DLGAP1: variants seen among roughly 807,000 people sequenced by gnomAD.
DLGAP1 encodes the protein disks large-associated protein 1.
Under a neutral mutation model 90.8 loss-of-function variants are expected in DLGAP1, and 11 were observed. The ratio of observed to expected loss-of-function variants is 0.12; its 90% CI spans 0.08 to 0.20. DLGAP1 has a LOEUF of 0.20. Ranked by LOEUF, DLGAP1 falls within the 10% of genes least tolerant of loss-of-function variation. The pLI, the probability that DLGAP1 is intolerant of heterozygous loss-of-function variation, is 1.00. For missense variants in DLGAP1, 1,050 were observed against 1,333.8 expected (o/e 0.79, Z 3.31); for synonymous variants, 558 against 540.7 (o/e 1.03, Z -0.44).
chr18:4,234,886 G>T (rs1163717160), intron 1 of DLGAP1, among the ~76,000 whole-genome samples: 2 of 152,120 alleles, frequency 1.3e-5, no homozygotes, highest in African/African-American at 4.8e-5. Flanking sequence ...GTAAAAGAAA[G>T]GCATGTCATA....
At chr18:4,389,098 G>A (rs1454023459) in intron 1 of DLGAP1, among the ~76,000 whole-genome samples, 3 of 152,072 alleles carry the variant, frequency 2.0e-5, no homozygotes, top group Non-Finnish European at 4.4e-5. Flanking sequence ...ACTAAAAAGT[G>A]GAAGCAACAC....
intron 3 of DLGAP1, among the ~76,000 whole-genome samples, chr18:3,960,121 C>T (rs1346391064): frequency 6.6e-6 from 1 of 152,204 alleles, no homozygotes; most frequent in Non-Finnish European, 1.5e-5. Context: ...ACAGCACTCC[C>T]TTGAAAACTC....
At chr18:4,276,027 G>C (rs2079404478) in intron 1 of DLGAP1, among the ~76,000 whole-genome samples, 2 of 151,856 alleles carry the variant, frequency 1.3e-5, no homozygotes, top group South Asian at 4.2e-4. Context: ...AAAAAAGAGA[G>C]AGGACTATAT....
intron 1 of DLGAP1, among the ~76,000 whole-genome samples, chr18:4,404,055 G>C (rs931072538): frequency 6.6e-6 from 1 of 152,154 alleles, no homozygotes; most frequent in Non-Finnish European, 1.5e-5. Flanking sequence ...ATCAGCGCCT[G>C]CAGAGATACC....
intron 10 of DLGAP1, among the ~76,000 whole-genome samples, chr18:3,522,200 C>T (rs1026466217): frequency 3.4e-5 from 5 of 147,232 alleles, no homozygotes; most frequent in Admixed American, 1.4e-4. Context: ...GCAATAGTAC[C>T]ATGTCGGCTC....
intron 3 of DLGAP1, among the ~76,000 whole-genome samples, chr18:3,965,723 T>G (rs112443073): frequency 1.3e-5 from 2 of 151,812 alleles, no homozygotes; most frequent in Admixed American, 1.3e-4. Flanking sequence ...CGAGGTGGGC[T>G]GATTACCTGA....
intron 10 of DLGAP1, among the ~76,000 whole-genome samples, chr18:3,531,395 C>T (rs1340794209): frequency 6.6e-6 from 1 of 152,032 alleles, no homozygotes; most frequent in Non-Finnish European, 1.5e-5. Context: ...CAAAATCAGG[C>T]CATTGCACTC....
intron 7 of DLGAP1, among the ~76,000 whole-genome samples, chr18:3,593,131 C>T (rs1003697981): frequency 6.6e-6 from 1 of 152,032 alleles, no homozygotes; most frequent in Non-Finnish European, 1.5e-5. Flanking sequence ...CCCCGCCCCC[C>T]GCCAGTAAAC....
intron 5 of DLGAP1, among the ~76,000 whole-genome samples, chr18:3,743,576 G>A (rs927265183): frequency 4.6e-5 from 7 of 151,958 alleles, no homozygotes; most frequent in Admixed American, 1.3e-4. Context: ...GGATGGTCTC[G>A]ATCTCCTGAC....
chr18:3,906,240 A>G (rs1312671908), intron 3 of DLGAP1, among the ~76,000 whole-genome samples: 1 of 152,228 alleles, frequency 6.6e-6, no homozygotes, highest in East Asian at 1.9e-4. Context: ...CAGGGTCTAG[A>G]AACCAGAATG....
At chr18:3,556,356 G>A (rs2053748977) in intron 9 of DLGAP1, among the ~76,000 whole-genome samples, 1 of 151,992 alleles carries the variant, frequency 6.6e-6, no homozygotes, top group Non-Finnish European at 1.5e-5. Context: ...GTACATTCTC[G>A]TATCCACCGT....
chr18:3,755,084 G>C (rs2147850688), intron 5 of DLGAP1, among the ~76,000 whole-genome samples: 1 of 152,048 alleles, frequency 6.6e-6, no homozygotes, highest in East Asian at 1.9e-4. Flanking sequence ...ATTTGAACTA[G>C]ATTAAGATAA....
At chr18:3,505,546 G>A (rs1399179125) in intron 11 of DLGAP1, among the ~76,000 whole-genome samples, 2 of 150,038 alleles carry the variant, frequency 1.3e-5, no homozygotes, top group Non-Finnish European at 3.0e-5. Context: ...GCTGAGGCAG[G>A]AGAATTGCTT....
intron 1 of DLGAP1, among the ~76,000 whole-genome samples, chr18:4,387,930 TACA>T (rs1567880999): frequency 0.2 from 24,328 of 123,040 alleles, 2,535 homozygotes; most frequent in Admixed American, 0.27. Context: ...CCATCACACA[TACA>T]CACACACACA....
At chr18:3,888,433 C>A (rs1281785187) in intron 3 of DLGAP1, among the ~76,000 whole-genome samples, 3 of 152,126 alleles carry the variant, frequency 2.0e-5, no homozygotes, top group Non-Finnish European at 4.4e-5. Flanking sequence ...TTTTCATTAA[C>A]ATTAATTGCT....
At chr18:3,822,815 T>G (rs1003869692) in intron 4 of DLGAP1, among the ~76,000 whole-genome samples, 4 of 152,140 alleles carry the variant, frequency 2.6e-5, no homozygotes, top group Non-Finnish European at 5.9e-5. Context: ...GGGCACTAAC[T>G]GTGGATAAGA....
intron 1 of DLGAP1, among the ~76,000 whole-genome samples, chr18:4,200,335 G>C (rs2144801846): frequency 6.6e-6 from 1 of 151,744 alleles, no homozygotes; most frequent in East Asian, 1.9e-4. Flanking sequence ...TTACTAAAAT[G>C]ATTACCAGAT....
At chr18:4,039,318 A>G (rs1039816702) in intron 2 of DLGAP1, among the ~76,000 whole-genome samples, 5 of 152,134 alleles carry the variant, frequency 3.3e-5, no homozygotes, top group South Asian at 2.1e-4. Flanking sequence ...GAGACACCCA[A>G]TGAATGTCTC....
At chr18:3,920,612 A>T (rs1363800466) in intron 3 of DLGAP1, among the ~76,000 whole-genome samples, 3 of 152,140 alleles carry the variant, frequency 2.0e-5, no homozygotes, top group Admixed American at 2.0e-4. Flanking sequence ...ATTGCATCTC[A>T]TTGCATTGCA....
Sources: gnomAD v4.1 joint callset for allele counts (sites outside exome capture counted in the v4.1 genomes callset) on GRCh38, gnomAD v4.1.1 for gene constraint, MANE v1.5 for transcripts, NCBI Gene and HGNC (gene_info 2026-07-23, HGNC 2026-07-21) for gene names.